The following NXN variants were observed in gnomAD, a reference collection of about 807,000 sequenced individuals.
The protein encoded by NXN is nucleoredoxin 1.
Under a neutral mutation model 48.6 loss-of-function variants are expected in NXN, and 16 were observed. That is an observed-to-expected ratio of 0.33 (90% CI 0.22 to 0.50). The LOEUF is 0.50. Among genes scored for constraint, NXN ranks in the 20% least tolerant of loss-of-function variants. The pLI, the probability that NXN is intolerant of heterozygous loss-of-function variation, is 0.98. For missense variants in NXN, 492 were observed against 605.5 expected (o/e 0.81, Z 1.97); for synonymous variants, 281 against 269.6 (o/e 1.04, Z -0.41).
At chr17:925,852 C>T (rs1271183648) in intron 1 of NXN, among the ~76,000 whole-genome samples, 2 of 152,198 alleles carry the variant, frequency 1.3e-5, no homozygotes, top group African/African-American at 4.8e-5. Context: ...ACATGGTGGG[C>T]TTGCTCCCAG....
At chr17:943,118 C>G (rs915714596) in intron 1 of NXN, among the ~76,000 whole-genome samples, 1 of 152,244 alleles carries the variant, frequency 6.6e-6, no homozygotes, top group Non-Finnish European at 1.5e-5. Context: ...CACCAACATA[C>G]TTCATCGTTT....
chr17:939,259 G>A (rs2068942453), intron 1 of NXN, among the ~76,000 whole-genome samples: 1 of 151,780 alleles, frequency 6.6e-6, no homozygotes, highest in African/African-American at 2.4e-5. Flanking sequence ...TCCTATCATA[G>A]GAAACTGGAA....
chr17:851,090 G>A (rs1240509937), intron 1 of NXN, among the ~76,000 whole-genome samples: 4 of 152,366 alleles, frequency 2.6e-5, no homozygotes. Flanking sequence ...CAGGCTGACC[G>A]CTTTAAAGAG....
At chr17:801,428 T>C (rs1467391336) in intron 7 of NXN, among the ~76,000 whole-genome samples, 3 of 150,000 alleles carry the variant, frequency 2.0e-5, no homozygotes, top group African/African-American at 7.3e-5. Flanking sequence ...CTCAGCATTT[T>C]AGAAATGTCA....
intron 1 of NXN, among the ~76,000 whole-genome samples, chr17:939,052 CA>C (rs1164755874): frequency 1.1e-4 from 16 of 140,416 alleles, no homozygotes; most frequent in Admixed American, 1.5e-4. Flanking sequence ...GACTCCCTCT[CA>C]AAAAAAAAAG....
intron 1 of NXN, among the ~76,000 whole-genome samples, chr17:912,097 A>G: frequency 6.6e-6 from 1 of 151,718 alleles, no homozygotes; most frequent in Non-Finnish European, 1.5e-5. Context: ...GCTACCACGC[A>G]CGGCTAATTT....
chr17:855,782 G>A (rs764962097), intron 1 of NXN, among the ~76,000 whole-genome samples: 3 of 152,202 alleles, frequency 2.0e-5, no homozygotes, highest in African/African-American at 4.8e-5. Context: ...GGAGGAATGT[G>A]TGTGTTACAA....
chr17:971,825 C>T (rs1231513727), intron 1 of NXN, among the ~76,000 whole-genome samples: 1 of 152,188 alleles, frequency 6.6e-6, no homozygotes, highest in African/African-American at 2.4e-5. Flanking sequence ...AACTAAGCAC[C>T]TTGGTGGTTC....
At chr17:904,340 T>C (rs1014879378) in intron 1 of NXN, among the ~76,000 whole-genome samples, 2 of 152,102 alleles carry the variant, frequency 1.3e-5, no homozygotes. Context: ...AGTTTTATGG[T>C]GCCCCGTGGC....
chr17:923,650 G>T (rs950594430), intron 1 of NXN, among the ~76,000 whole-genome samples: 1 of 152,232 alleles, frequency 6.6e-6, no homozygotes, highest in East Asian at 1.9e-4. Context: ...AGGACACTGC[G>T]TCCAGCATTG....
chr17:833,399 A>G (rs1913606064), intron 1 of NXN, among the ~76,000 whole-genome samples: 1 of 152,166 alleles, frequency 6.6e-6, no homozygotes, highest in African/African-American at 2.4e-5. Flanking sequence ...GAAGTCATCC[A>G]GGAGTGACTT....
At chr17:806,382 G>C (rs541904044) in intron 5 of NXN, among the ~76,000 whole-genome samples, 12 of 150,850 alleles carry the variant, frequency 8.0e-5, no homozygotes, top group African/African-American at 2.2e-4. Context: ...CAGAAACCGC[G>C]CAACCCCAGC....
intron 1 of NXN, among the ~76,000 whole-genome samples, chr17:862,836 C>T (rs1467908964): frequency 6.6e-6 from 1 of 152,122 alleles, no homozygotes; most frequent in East Asian, 1.9e-4. Flanking sequence ...CACGAGGGAA[C>T]CATTTGACAA....
At chr17:890,338 C>T (rs547528027) in intron 1 of NXN, among the ~76,000 whole-genome samples, 180 of 152,136 alleles carry the variant, frequency 1.2e-3, no homozygotes, top group Non-Finnish European at 2.0e-3. Flanking sequence ...AAGCTCTTCC[C>T]GCTCCAGCCC....
chr17:967,326 TAGG>T (rs369816343), intron 1 of NXN, among the ~76,000 whole-genome samples: 21 of 152,186 alleles, frequency 1.4e-4, no homozygotes, highest in African/African-American at 4.6e-4. Flanking sequence ...CTCAGGCCAC[TAGG>T]AGATGAGGAA....
intron 1 of NXN, among the ~76,000 whole-genome samples, chr17:883,475 T>A (rs900489790): frequency 6.6e-6 from 1 of 151,728 alleles, no homozygotes; most frequent in African/African-American, 2.4e-5. Context: ...CCCGCCTACA[T>A]CACCTCCATG....
In NXN at chr17:861,864, C is replaced by CT. The variant is rs371204830; in HGVS notation, c.361-35787dup. Among the ~76,000 whole-genome samples the CT allele has an allele frequency of 3.7e-3, 562 of 151,534 alleles. 1 individual carries two copies. Among genetic ancestry groups the CT allele is most frequent in the African/African-American group, 0.013 (521 of 41,322 alleles). On this transcript the variant is annotated intron_variant, in intron 1 of 7. Coordinates refer to ENST00000336868, the MANE Select transcript of NXN (RefSeq NM_022463.5). ...TCTTTTAAATTGAGACAGTCTTGCT[C>CT]TGTCGCCCAGGCTGGAGTGCAGTGG...
chr17:970,638 G>A (rs1049972621), intron 1 of NXN, among the ~76,000 whole-genome samples: 6 of 152,126 alleles, frequency 3.9e-5, no homozygotes, highest in East Asian at 1.9e-4. Context: ...TCCTCCATGC[G>A]GAACGTTTGA....
intron 1 of NXN, among the ~76,000 whole-genome samples, chr17:889,284 G>A (rs953350694): frequency 6.6e-6 from 1 of 152,212 alleles, no homozygotes; most frequent in South Asian, 2.1e-4. Context: ...CACGTGCCCT[G>A]TGCTTCAGTG....
Sources: allele counts gnomAD v4.1 joint callset (sites outside exome capture counted in the v4.1 genomes callset), GRCh38; gene constraint gnomAD v4.1.1; transcripts MANE v1.5; gene names NCBI Gene and HGNC (gene_info 2026-07-23, HGNC 2026-07-21).